PARD3: variants seen among roughly 807,000 people sequenced by gnomAD.
PARD3 encodes par-3 family cell polarity regulator, also known as partitioning defective 3 homolog.
Under a neutral mutation model 155.4 loss-of-function variants are expected in PARD3, and 75 were observed. The ratio of observed to expected loss-of-function variants is 0.48; its 90% CI spans 0.40 to 0.58. PARD3 has a LOEUF of 0.58. Ranked by LOEUF, PARD3 falls within the 20% of genes least tolerant of loss-of-function variation. The pLI, the probability that PARD3 is intolerant of heterozygous loss-of-function variation, is 0.00. For synonymous variants in PARD3, 576 were observed against 610.5 expected, an observed-to-expected ratio of 0.94 and a Z score of 0.83; for missense variants, 1,642 against 1,721.7, an observed-to-expected ratio of 0.95 and a Z score of 0.82.
At chr10:34,251,652 C>T (rs1315743556) in intron 22 of PARD3, among the ~76,000 whole-genome samples, 1 of 151,294 alleles carries the variant, frequency 6.6e-6, no homozygotes, top group Non-Finnish European at 1.5e-5. Flanking sequence ...TGCTCTTCCC[C>T]CTCTCTCTCT....
intron 22 of PARD3, among the ~76,000 whole-genome samples, chr10:34,170,410 A>T (rs2008617): frequency 0.091 from 13,802 of 152,214 alleles, 1,376 homozygotes; most frequent in African/African-American, 0.25. Context: ...TCAGTCATGG[A>T]TCTATTAATT....
At position 34,331,248 on chromosome 10, in the gene PARD3, C is replaced by T; in HGVS notation, c.2702G>A (p.Gly901Glu). Residue 901 changes from glycine to glutamate, a missense_variant, in exon 19 of 25, where the codon GGG becomes GAG. This residue lies in a region of PARD3 where 1,529 missense variants were observed against 1,587.3 expected (regional missense o/e 0.96). Transcript: ENST00000374788. ...QTAVAEVTLNGDIPFHRPRPR... is the reference protein window; with the variant it reads ...QTAVAEVTLNEDIPFHRPRPR... Reference sequence around the variant, plus strand: ...CCGTGGACGATGGAAAGGAATATCCCCATTCAAAGTCACCTCGGCAACTGC... The same window carrying T: ...CCGTGGACGATGGAAAGGAATATCCTCATTCAAAGTCACCTCGGCAACTGC... The T allele has an allele frequency of 1.9e-6, 3 of 1,613,974 alleles. No homozygotes were observed. The highest frequency in any genetic ancestry group is 2.5e-6 in the Non-Finnish European group (3 of 1,179,938).
intron 23 of PARD3, among the ~76,000 whole-genome samples, chr10:34,122,292 T>G (rs142703157): frequency 1.3e-5 from 2 of 152,226 alleles, no homozygotes; most frequent in Admixed American, 6.5e-5. Flanking sequence ...ATTTCAGGTG[T>G]ATTTTTAAGT....
intron 5 of PARD3, among the ~76,000 whole-genome samples, chr10:34,432,887 G>A (rs950527000): frequency 1.3e-5 from 2 of 152,096 alleles, no homozygotes; most frequent in African/African-American, 2.4e-5. Flanking sequence ...CACTCAGGGA[G>A]GTAGAGCAAA....
intron 2 of PARD3, among the ~76,000 whole-genome samples, chr10:34,564,043 G>A (rs1285459002): frequency 6.6e-6 from 1 of 152,064 alleles, no homozygotes; most frequent in African/African-American, 2.4e-5. Context: ...TGTCATAATG[G>A]GAAAAGCATA....
chr10:34,781,755 A>G (rs1840263020), intron 1 of PARD3, among the ~76,000 whole-genome samples: 1 of 152,240 alleles, frequency 6.6e-6, no homozygotes, highest in African/African-American at 2.4e-5. Flanking sequence ...TGTAAAAGAT[A>G]TAAAATATTG....
chr10:34,573,976 T>C (rs1015105463), intron 2 of PARD3, among the ~76,000 whole-genome samples: 3 of 152,192 alleles, frequency 2.0e-5, no homozygotes, highest in African/African-American at 7.2e-5. Context: ...GATTGATATT[T>C]TTATTATAAG....
At chr10:34,419,611 T>C (rs757377600) in intron 5 of PARD3, among the ~76,000 whole-genome samples, 2 of 152,218 alleles carry the variant, frequency 1.3e-5, no homozygotes, top group Non-Finnish European at 2.9e-5. Context: ...TGTATGTCTA[T>C]TTAGAAAATG....
At chr10:34,557,468 T>C (rs573526065) in intron 2 of PARD3, among the ~76,000 whole-genome samples, 2 of 151,302 alleles carry the variant, frequency 1.3e-5, no homozygotes, top group Non-Finnish European at 2.9e-5. Flanking sequence ...GAGAGTCCCA[T>C]CCCTACTGTT....
At chr10:34,565,299 G>A (rs936920898) in intron 2 of PARD3, among the ~76,000 whole-genome samples, 30 of 106,832 alleles carry the variant, frequency 2.8e-4, no homozygotes, top group Admixed American at 1.5e-3. Context: ...AGACAGTCTC[G>A]CTCTGTCACC....
chr10:34,302,273 A>G (rs1957192438), intron 20 of PARD3, among the ~76,000 whole-genome samples: 1 of 152,194 alleles, frequency 6.6e-6, no homozygotes, highest in African/African-American at 2.4e-5. Flanking sequence ...TTTAAAAAAA[A>G]TGAATTGCAG....
intron 4 of PARD3, among the ~76,000 whole-genome samples, chr10:34,453,544 C>A (rs1368674601): frequency 6.6e-6 from 1 of 152,100 alleles, no homozygotes; most frequent in Non-Finnish European, 1.5e-5. Context: ...TTTAAAAGAA[C>A]ATTTTGATAA....
intron 20 of PARD3, among the ~76,000 whole-genome samples, chr10:34,313,198 T>C (rs1296217858): frequency 6.6e-6 from 1 of 152,192 alleles, no homozygotes; most frequent in Non-Finnish European, 1.5e-5. Flanking sequence ...GAATCAAACA[T>C]ACACAGACTC....
At chr10:34,489,155 T>C (rs866074275) in intron 3 of PARD3, among the ~76,000 whole-genome samples, 3 of 152,154 alleles carry the variant, frequency 2.0e-5, no homozygotes, top group African/African-American at 7.2e-5. Flanking sequence ...CTGGCCAAGA[T>C]GGTGAAACCC....
At chr10:34,695,261 G>C (rs898985940) in intron 2 of PARD3, among the ~76,000 whole-genome samples, 1 of 152,060 alleles carries the variant, frequency 6.6e-6, no homozygotes, top group Admixed American at 6.6e-5. Context: ...CGGATCATGA[G>C]GTCAGGAGTT....
At chr10:34,491,728 T>C (rs1378707685) in intron 3 of PARD3, among the ~76,000 whole-genome samples, 2 of 152,218 alleles carry the variant, frequency 1.3e-5, no homozygotes, top group African/African-American at 2.4e-5. Context: ...TGCTTTTTAA[T>C]TGAGGAGATA....
intron 2 of PARD3, among the ~76,000 whole-genome samples, chr10:34,524,323 G>A (rs2133725792): frequency 6.6e-6 from 1 of 152,282 alleles, no homozygotes; most frequent in Middle Eastern, 3.4e-3. Flanking sequence ...CATCCTTTAA[G>A]AAGAAAGTAT....
chr10:34,181,498 T>C (rs1264179495), intron 22 of PARD3, among the ~76,000 whole-genome samples: 9 of 152,046 alleles, frequency 5.9e-5, no homozygotes, highest in Non-Finnish European at 1.2e-4. Flanking sequence ...GTAGAAGAAA[T>C]GAGTGAGAAA....
At chr10:34,207,529 C>T (rs1361411008) in intron 22 of PARD3, among the ~76,000 whole-genome samples, 1 of 152,174 alleles carries the variant, frequency 6.6e-6, no homozygotes, top group Non-Finnish European at 1.5e-5. Context: ...GAGGTCACTG[C>T]AGGCTGGGAC....
Sources: allele counts gnomAD v4.1 joint callset (sites outside exome capture counted in the v4.1 genomes callset), GRCh38; gene constraint gnomAD v4.1.1; regional missense constraint gnomAD v4.1.1; transcripts MANE v1.5; gene names NCBI Gene and HGNC (gene_info 2026-07-23, HGNC 2026-07-21).